SHQ1: variants seen among roughly 807,000 people sequenced by gnomAD.
The protein encoded by SHQ1 is SHQ1, H/ACA ribonucleoprotein assembly factor.
SHQ1 carries 49 observed loss-of-function variants against 53.8 expected under a neutral mutation model. That is an observed-to-expected ratio of 0.91 (90% CI 0.72 to 1.16). The LOEUF (loss-of-function observed/expected upper bound fraction) is 1.16, where lower values mean the gene tolerates loss of function less well. Among genes scored for constraint, SHQ1 ranks in the 50% most tolerant of loss-of-function variants. The pLI is 0.00. For synonymous variants in SHQ1, 243 were observed against 251.0 expected, an observed-to-expected ratio of 0.97 and a Z score of 0.30; for missense variants, 738 against 683.1, an observed-to-expected ratio of 1.08 and a Z score of -0.90.
At chr3:72,825,606 T>C (rs1707628024) in intron 5 of SHQ1, among the ~76,000 whole-genome samples, 1 of 152,184 alleles carries the variant, frequency 6.6e-6, no homozygotes, top group African/African-American at 2.4e-5. Context: ...TGGAGGACAC[T>C]TATTCAGAAA....
intron 9 of SHQ1, among the ~76,000 whole-genome samples, chr3:72,811,184 TGA>T (rs1181569873): frequency 6.6e-6 from 1 of 151,912 alleles, no homozygotes; most frequent in African/African-American, 2.4e-5. Context: ...TGAGTGAGAG[TGA>T]GAGTGTGTGA....
At chr3:72,733,862 C>T in the SHQ1 span, among the ~76,000 whole-genome samples, 1 of 151,492 alleles carries the variant, frequency 6.6e-6, no homozygotes, top group Non-Finnish European at 1.5e-5. Context: ...GCAAGGGACT[C>T]AGTTTTCTCA....
At position 72,789,913 on chromosome 3, in the gene SHQ1, G is replaced by T. The variant is rs116233691; in HGVS notation, c.1181+3003C>A. On this transcript the variant is annotated intron_variant, in intron 10 of 10. Transcript: ENST00000325599. ...TTATCTTTTTTCTTCCACATGGTAT[G>T]GGTGGAGACAACTGGTTGCATAAGT... Among the ~76,000 whole-genome samples the T allele has an allele frequency of 4.8e-3, 737 of 152,288 alleles. 10 individuals are homozygous for T. Among genetic ancestry groups the T allele is most frequent in the Non-Finnish European group, 4.2e-3 (283 of 68,018 alleles).
chr3:72,812,985 T>C (rs1707173927), intron 8 of SHQ1, among the ~76,000 whole-genome samples, 191 bp from the exon 9 acceptor site: 1 of 152,236 alleles, frequency 6.6e-6, no homozygotes, highest in Non-Finnish European at 1.5e-5. Context: ...AGAATCTTAG[T>C]TTTTGTAATT....
chr3:72,755,082 G>A (rs1441267905), intron 10 of SHQ1, among the ~76,000 whole-genome samples: 4 of 152,196 alleles, frequency 2.6e-5, no homozygotes, highest in Non-Finnish European at 5.9e-5. Flanking sequence ...GGGACTGAAA[G>A]TAACAAGTGT....
intron 10 of SHQ1, among the ~76,000 whole-genome samples, chr3:72,788,502 G>A (rs937369364): frequency 6.7e-6 from 1 of 150,070 alleles, no homozygotes; most frequent in Admixed American, 6.6e-5. Flanking sequence ...GGGAGGTAGG[G>A]GGGGCGCCTC....
At chr3:72,846,204 T>C in intron 1 of SHQ1, 9 of 1,535,660 alleles carry the variant, frequency 5.9e-6, no homozygotes, top group Non-Finnish European at 7.8e-6. Context: ...GAGAAAATTA[T>C]ATTTGCTTAC....
At chr3:72,752,323 A>T (rs775862098) in intron 10 of SHQ1, among the ~76,000 whole-genome samples, 2 of 152,228 alleles carry the variant, frequency 1.3e-5, no homozygotes, top group Non-Finnish European at 2.9e-5. Flanking sequence ...AGAAAACAGT[A>T]ACTTCTGTAA....
intron 5 of SHQ1, among the ~76,000 whole-genome samples, chr3:72,830,528 GA>G (rs2106919029): frequency 6.6e-6 from 1 of 151,656 alleles, no homozygotes; most frequent in African/African-American, 2.4e-5. Flanking sequence ...CTAAAAAAAA[GA>G]ATTTTTAAAT....
At chr3:72,798,480 A>T (rs942900454) in intron 9 of SHQ1, among the ~76,000 whole-genome samples, 3 of 152,254 alleles carry the variant, frequency 2.0e-5, no homozygotes, top group African/African-American at 7.2e-5. Context: ...TAATGACAAG[A>T]TAAAGAAAAT....
intron 5 of SHQ1, among the ~76,000 whole-genome samples, chr3:72,829,375 C>T (rs1707761873): frequency 6.6e-6 from 1 of 152,232 alleles, no homozygotes; most frequent in South Asian, 2.1e-4. Flanking sequence ...ATAGTGTCTA[C>T]TTCCTCCACT....
At chr3:72,840,746 G>A (rs1708155732) in intron 4 of SHQ1, among the ~76,000 whole-genome samples, 1 of 152,072 alleles carries the variant, frequency 6.6e-6, no homozygotes, top group Non-Finnish European at 1.5e-5. Flanking sequence ...ATAAAGCTTT[G>A]CAGGAAGTAT....
chr3:72,746,001 C>T (rs1476754313), downstream of SHQ1, among the ~76,000 whole-genome samples: 1 of 152,066 alleles, frequency 6.6e-6, no homozygotes, highest in African/African-American at 2.4e-5. Context: ...CCACCACCCC[C>T]AGGTAAGTTG....
intron 4 of SHQ1, 86 bp downstream of exon 4, chr3:72,840,959 A>G: frequency 6.9e-7 from 1 of 1,452,804 alleles, no homozygotes; most frequent in South Asian, 1.4e-5. Flanking sequence ...TTATTTTTAA[A>G]AACTACCAAG....
chr3:72,835,223 G>C (rs1324773030), intron 4 of SHQ1, among the ~76,000 whole-genome samples: 1 of 151,550 alleles, frequency 6.6e-6, no homozygotes, highest in East Asian at 1.9e-4. Flanking sequence ...ATTCTGGGGA[G>C]AAGCACAAGG....
At chr3:72,773,654 C>T (rs2106743319) in intron 10 of SHQ1, among the ~76,000 whole-genome samples, 1 of 151,870 alleles carries the variant, frequency 6.6e-6, no homozygotes, top group Admixed American at 6.6e-5. Flanking sequence ...GAAATTAAGG[C>T]CTGAATTCAA....
chr3:72,743,803 C>G, the SHQ1 span, among the ~76,000 whole-genome samples: 16 of 152,078 alleles, frequency 1.1e-4, no homozygotes, highest in African/African-American at 2.7e-4. Flanking sequence ...AGATAGGACA[C>G]GCATATTTAC....
At chr3:72,779,138 C>T (rs1199858558) in intron 10 of SHQ1, among the ~76,000 whole-genome samples, 4 of 152,204 alleles carry the variant, frequency 2.6e-5, no homozygotes, top group Non-Finnish European at 5.9e-5. Context: ...TTAAAAGGCA[C>T]TATACTGTCT....
chr3:72,816,921 C>T (rs555802894), intron 7 of SHQ1, among the ~76,000 whole-genome samples: 1 of 152,260 alleles, frequency 6.6e-6, no homozygotes, highest in Admixed American at 6.5e-5. Flanking sequence ...CAGAGCACTT[C>T]TCTGGCCTAA....
Sources: gnomAD v4.1 joint callset for allele counts (sites outside exome capture counted in the v4.1 genomes callset) on GRCh38, gnomAD v4.1.1 for gene constraint, MANE v1.5 for transcripts, NCBI Gene and HGNC (gene_info 2026-07-23, HGNC 2026-07-21) for gene names.